The following XXYLT1 variants were observed in gnomAD, a reference collection of about 807,000 sequenced individuals.
The protein encoded by XXYLT1 is UDP-xylose:alpha-xyloside alpha-1,3-xylosyltransferase.
Under a neutral mutation model 28.9 loss-of-function variants are expected in XXYLT1, and 20 were observed. The ratio of observed to expected loss-of-function variants is 0.69; its 90% CI spans 0.49 to 1.00. The LOEUF is 1.00. Among genes scored for constraint, XXYLT1 ranks in the 50% least tolerant of loss-of-function variants. The probability of loss-of-function intolerance (pLI) is 0.00; values close to 1 mark genes in which losing one functional copy is unlikely to be tolerated. For missense variants in XXYLT1, 542 were observed against 560.1 expected, an observed-to-expected ratio of 0.97 and a Z score of 0.33; for synonymous variants, 257 against 253.8, an observed-to-expected ratio of 1.01 and a Z score of -0.12.
intron 2 of XXYLT1, among the ~76,000 whole-genome samples, chr3:195,208,815 G>A (rs1577148245): frequency 6.6e-6 from 1 of 152,244 alleles, no homozygotes; most frequent in South Asian, 2.1e-4. Flanking sequence ...CAGACAAAGA[G>A]CGTCCAGAGT....
At chr3:195,151,806 G>A (rs1190328991) in intron 3 of XXYLT1, among the ~76,000 whole-genome samples, 1 of 151,512 alleles carries the variant, frequency 6.6e-6, no homozygotes, top group Admixed American at 6.6e-5. Flanking sequence ...TATGCCTGGG[G>A]GAGGGATTGA....
chr3:195,239,129 C>G (rs1238794622), intron 1 of XXYLT1, among the ~76,000 whole-genome samples: 1 of 152,212 alleles, frequency 6.6e-6, no homozygotes, highest in Non-Finnish European at 1.5e-5. Context: ...TATAATAAAT[C>G]TGCTTAAAGA....
intron 3 of XXYLT1, among the ~76,000 whole-genome samples, chr3:195,142,137 G>A (rs562875292): frequency 3.9e-5 from 6 of 152,086 alleles, no homozygotes; most frequent in East Asian, 1.9e-4. Flanking sequence ...CTCCTCTTCC[G>A]ACCCTCCCTG....
chr3:195,245,447 G>C (rs1724982091), intron 1 of XXYLT1, among the ~76,000 whole-genome samples: 1 of 152,076 alleles, frequency 6.6e-6, no homozygotes, highest in African/African-American at 2.4e-5. Flanking sequence ...ATGAGCCACT[G>C]CACCTGGCCC....
chr3:195,234,021 A>G (rs1215498140), intron 1 of XXYLT1, among the ~76,000 whole-genome samples: 2 of 151,226 alleles, frequency 1.3e-5, no homozygotes, highest in African/African-American at 4.9e-5. Flanking sequence ...GGTTCATGCC[A>G]TTCTCCTGCC....
chr3:195,229,312 T>C (rs181117518), intron 1 of XXYLT1, among the ~76,000 whole-genome samples: 62 of 152,348 alleles, frequency 4.1e-4, no homozygotes, highest in African/African-American at 1.3e-3. Context: ...GATATTTTCA[T>C]ACAAGCATAC....
At chr3:195,085,700 A>G (rs1385026602) in intron 3 of XXYLT1, among the ~76,000 whole-genome samples, 1 of 152,168 alleles carries the variant, frequency 6.6e-6, no homozygotes, top group Non-Finnish European at 1.5e-5. Flanking sequence ...AGACCACTCC[A>G]TTCCACCAGG....
At position 195,181,298 on chromosome 3, in the gene XXYLT1, C is replaced by T. The variant is rs183431831; in HGVS notation, c.653-24717G>A. Among the ~76,000 whole-genome samples, 1,045 of 152,238 alleles carry T rather than the reference C, an allele frequency of 6.9e-3. 3 individuals carry two copies. The highest frequency in any genetic ancestry group is 0.017 in the Middle Eastern group (5 of 294). ...GCGTGGCTGCGTGGCTGCGGGGCTG[C>T]GGGGCTGCGGAGCATGTTTTGCCAC... is the stretch of plus-strand genomic sequence containing the variant. On this transcript the variant is annotated intron_variant, in intron 2 of 3. Coordinates refer to ENST00000310380, the MANE Select transcript of XXYLT1 (RefSeq NM_152531.5).
chr3:195,212,368 G>T (rs75623210), intron 2 of XXYLT1, among the ~76,000 whole-genome samples: 2 of 152,158 alleles, frequency 1.3e-5, no homozygotes, highest in Non-Finnish European at 2.9e-5. Flanking sequence ...ACGTGGTAAC[G>T]GAGTTAAATT....
intron 2 of XXYLT1, among the ~76,000 whole-genome samples, chr3:195,182,417 A>C (rs1307412443): frequency 1.3e-5 from 2 of 152,216 alleles, no homozygotes; most frequent in African/African-American, 4.8e-5. Flanking sequence ...TATACAAGAG[A>C]CTGGAAGGTA....
At position 195,257,559 on chromosome 3, in the gene XXYLT1, T is replaced by C. The variant is rs2108849307; in HGVS notation, c.504+12996A>G. Among the ~76,000 whole-genome samples the C allele has an allele frequency of 6.6e-6, 1 of 151,902 alleles. No individual in the cohort carries two copies. On this transcript the variant is annotated intron_variant, in intron 1 of 3. Coordinates refer to ENST00000310380, the MANE Select transcript of XXYLT1 (RefSeq NM_152531.5). The surrounding 1 kb of genome is among the most constrained non-coding windows in gnomAD (Gnocchi z 4.3). ...TCCCAGAGATGGGAAGTGGCCGGGG[T>C]ACACCACAACCCCAGGCAGTCCAGC...
At chr3:195,131,818 A>G (rs1271830916) in intron 3 of XXYLT1, among the ~76,000 whole-genome samples, 3 of 152,204 alleles carry the variant, frequency 2.0e-5, no homozygotes, top group African/African-American at 4.8e-5. Flanking sequence ...AGAACACTCA[A>G]TTATACTTGA....
At chr3:195,259,515 C>T (rs1725603786) in intron 1 of XXYLT1, 1 of 958,374 alleles carries the variant, frequency 1.0e-6, no homozygotes, top group Non-Finnish European at 1.2e-6. Flanking sequence ...CCCTGCCAGG[C>T]GGCCCTTCCA....
At chr3:195,102,325 T>C (rs1248425157) in intron 3 of XXYLT1, among the ~76,000 whole-genome samples, 1 of 152,130 alleles carries the variant, frequency 6.6e-6, no homozygotes, top group African/African-American at 2.4e-5. Context: ...GCAAAATTCA[T>C]GAATACGATA....
Position 195,257,982 on chromosome 3 carries a change from CAGGTGGCCAAG to C in XXYLT1, c.504+12562_504+12572del, listed in dbSNP as rs2108849899. Among the ~76,000 whole-genome samples the C allele has an allele frequency of 6.6e-6, 1 of 152,278 alleles. No individual in the cohort carries two copies. The highest frequency in any genetic ancestry group is 2.1e-4 in the South Asian group (1 of 4,830). On this transcript the variant is annotated intron_variant, in intron 1 of 3. Coordinates refer to ENST00000310380, the MANE Select transcript of XXYLT1 (RefSeq NM_152531.5). The surrounding 1 kb of genome is among the most constrained non-coding windows in gnomAD (Gnocchi z 4.3). The stretch of plus-strand genomic sequence containing the variant: ...CTGTGTCTTCCTACCCCCTAGACAG[CAGGTGGCCAAG>C]GGTGCCCTAAGCAAAGCCTGCACTA...
At chr3:195,203,739 G>C (rs1370041873) in intron 2 of XXYLT1, among the ~76,000 whole-genome samples, 1 of 152,162 alleles carries the variant, frequency 6.6e-6, no homozygotes, top group African/African-American at 2.4e-5. Context: ...CAGCCCCTTG[G>C]AGCAGTGTGC....
chr3:195,111,718 C>T (rs931583404), intron 3 of XXYLT1, among the ~76,000 whole-genome samples: 1 of 152,150 alleles, frequency 6.6e-6, no homozygotes, highest in Non-Finnish European at 1.5e-5. Context: ...CACAGAATTC[C>T]ACTGTCTTCA....
chr3:195,075,790 C>T (rs1214002240), intron 3 of XXYLT1, among the ~76,000 whole-genome samples: 1 of 152,246 alleles, frequency 6.6e-6, no homozygotes, highest in African/African-American at 2.4e-5. Flanking sequence ...CCCCAGCCCT[C>T]TTTGAAGGCC....
At chr3:195,253,342 C>G (rs1214964190) in intron 1 of XXYLT1, among the ~76,000 whole-genome samples, 1 of 152,024 alleles carries the variant, frequency 6.6e-6, no homozygotes, top group Non-Finnish European at 1.5e-5. Flanking sequence ...AATCAGGAGG[C>G]GAAGCGGCAA....
Sources: gnomAD v4.1 joint callset for allele counts (sites outside exome capture counted in the v4.1 genomes callset) on GRCh38, gnomAD v4.1.1 for gene constraint, Gnocchi (gnomAD v3.1) non-coding constraint, MANE v1.5 for transcripts, NCBI Gene and HGNC (gene_info 2026-07-23, HGNC 2026-07-21) for gene names.